The following RASGRP3 variants were observed in gnomAD, a reference collection of about 807,000 sequenced individuals.
The protein encoded by RASGRP3 is ras guanyl-releasing protein 3.
Under a neutral mutation model 82.7 loss-of-function variants are expected in RASGRP3, and 54 were observed. That is an observed-to-expected ratio of 0.65 (90% CI 0.52 to 0.82). The LOEUF (loss-of-function observed/expected upper bound fraction) is 0.82, where lower values mean the gene tolerates loss of function less well. Ranked by LOEUF, RASGRP3 falls within the 40% of genes least tolerant of loss-of-function variation. RASGRP3 has a pLI of 0.00. For synonymous variants in RASGRP3, 309 were observed against 300.5 expected, an observed-to-expected ratio of 1.03 and a Z score of -0.29; for missense variants, 861 against 828.9, an observed-to-expected ratio of 1.04 and a Z score of -0.48.
chr2:33,441,794 A>G (rs560194753), intron 1 of RASGRP3, among the ~76,000 whole-genome samples: 1 of 152,344 alleles, frequency 6.6e-6, no homozygotes, highest in South Asian at 2.1e-4. Flanking sequence ...TTTTTTAGTA[A>G]AAAGCAAAAA....
At chr2:33,450,225 C>A (rs1387924444) in intron 2 of RASGRP3, among the ~76,000 whole-genome samples, 1 of 152,092 alleles carries the variant, frequency 6.6e-6, no homozygotes, top group Non-Finnish European at 1.5e-5. Flanking sequence ...ACCTCATATA[C>A]CAATCATTAT....
rs1363256181 is a variant in RASGRP3 at position 33,549,658 on chromosome 2, C to G, written c.1449C>G (p.Ser483=). 4 of 1,613,532 alleles carry G rather than the reference C, an allele frequency of 2.5e-6. No individual in the cohort carries two copies. Among genetic ancestry groups the G allele is most frequent in the Non-Finnish European group, 3.4e-6 (4 of 1,179,670 alleles). The change falls in exon 14 of 18, where the codon TCC becomes TCG. Residue 483 remains serine, a synonymous_variant. Coordinates refer to ENST00000403687, the MANE Select transcript of RASGRP3 (RefSeq NM_001139488.2). ...EMMAYFLRAK[S]QLHCKMGPGF... Reference sequence around the variant, plus strand: ...TGGCTTACTTCCTGAGAGCTAAATCCCAACTACACTGTAAAATGGGACCAG... The same window carrying G: ...TGGCTTACTTCCTGAGAGCTAAATCGCAACTACACTGTAAAATGGGACCAG...
chr2:33,562,946 C>T lies in RASGRP3; in HGVS notation c.*209C>T, dbSNP rs1574521733. ...ACTATGAACTATTTATTTCCTCCTC[C>T]CCTACCCCTAGTTAAGTGCCACAAA... On this transcript the variant is annotated 3_prime_UTR_variant, in exon 18 of 18. Transcript: ENST00000403687. 1 of 644,418 alleles carries T rather than the reference C, an allele frequency of 1.6e-6. No individual in the cohort carries two copies. The highest frequency in any genetic ancestry group is 2.8e-5 in the East Asian group (1 of 35,716). 39.9% of individuals were successfully genotyped at this position (644,418 alleles called of 1,614,324 possible). A position where few individuals can be genotyped will look rare whatever the true frequency, so the allele number is the denominator to read the frequency against.
chr2:33,482,665 G>A (rs1004556232), intron 1 of RASGRP3: 7 of 152,160 alleles, frequency 4.6e-5, no homozygotes, highest in Admixed American at 2.6e-4. Flanking sequence ...TAATGGGGAC[G>A]CTTCACTATC....
rs1674191685 is a variant in RASGRP3, at chr2:33,540,575, TGTG to T, written c.1278+1366_1278+1368del. Among the ~76,000 whole-genome samples the T allele has an allele frequency of 4.1e-3, 196 of 47,708 alleles. 19 individuals are homozygous for T. The Middle Eastern group carries it at 0.047, about 11-fold the overall frequency. 31.3% of individuals were successfully genotyped at this position (47,708 alleles called of 152,430 possible). On this transcript the variant is annotated intron_variant, in intron 12 of 17. Transcript: ENST00000403687. Reference sequence around the variant, plus strand: ...TGTGTTTTGTGTGTGTGTGTGTGTGTGTGTGTGTGTGTGTGTGTGTGTGTGTGT... The same window carrying T: ...TGTGTTTTGTGTGTGTGTGTGTGTGTTGTGTGTGTGTGTGTGTGTGTGTGT...
chr2:33,527,272 A>G lies in RASGRP3; in HGVS notation c.943A>G (p.Ile315Val), dbSNP rs1237682972. 5.6e-6 allele frequency: 9 copies of G among 1,613,888 alleles called. No homozygotes were observed. Among genetic ancestry groups the G allele is most frequent in the Non-Finnish European group, 6.8e-6 (8 of 1,179,894 alleles). ...HLKDLIAVHV[I>V]FPDWTEENKV... is the part of the protein sequence containing the mutation. ...GAAAGACTTGATAGCTGTCCATGTC[A>G]TTTTCCCAGACTGGACAGAGGAGAA... is the stretch of plus-strand genomic sequence containing the variant. The change falls in exon 10 of 18, where the codon ATT (isoleucine) becomes GTT (valine). Residue 315 changes from isoleucine to valine, a missense_variant. By Grantham distance (29) the Ile-to-Val change is conservative. Coordinates refer to ENST00000403687, the MANE Select transcript of RASGRP3 (RefSeq NM_001139488.2).
At chr2:33,440,429 G>T (rs1665164055) in intron 1 of RASGRP3, among the ~76,000 whole-genome samples, 1 of 152,184 alleles carries the variant, frequency 6.6e-6, no homozygotes, top group South Asian at 2.1e-4. Context: ...ACCACCATGT[G>T]TAGGGGCCAA....
chr2:33,498,846 C>T (rs961715674), intron 1 of RASGRP3, among the ~76,000 whole-genome samples: 1 of 152,084 alleles, frequency 6.6e-6, no homozygotes, highest in African/African-American at 2.4e-5. Flanking sequence ...CCTCAAGCCT[C>T]CGAGATCACA....
At position 33,479,879 on chromosome 2, in the gene RASGRP3, C is replaced by A. The variant is rs568473756; in HGVS notation, c.-261+3172C>A. On this transcript the variant is annotated intron_variant, in intron 1 of 17. Transcript: ENST00000403687. ...GGTTGGAGATAATGGGAAAGAGCAC[C>A]AGGTAGTATGTAATCAACAGGGAAC... Among the ~76,000 whole-genome samples, 3 of 151,452 alleles carry A rather than the reference C, an allele frequency of 2.0e-5. No individual in the cohort carries two copies. In the South Asian group the frequency reaches 6.2e-4, roughly 32 times the overall value.
intron 1 of RASGRP3, among the ~76,000 whole-genome samples, chr2:33,511,434 C>T (rs1287796355): frequency 1.3e-5 from 2 of 152,270 alleles, no homozygotes; most frequent in South Asian, 4.1e-4. Context: ...TTGCATGAAA[C>T]AGTAGTTTAT....
At position 33,542,661 on chromosome 2, in the gene RASGRP3, C is replaced by T. The variant is rs560471283; in HGVS notation, c.1279-851C>T. On this transcript the variant is annotated intron_variant, in intron 12 of 17. Coordinates refer to ENST00000403687, the MANE Select transcript of RASGRP3 (RefSeq NM_001139488.2). Reference sequence around the variant, plus strand: ...TTTCTTAATCCACCTCCTCTTTCCCCCCCCCACCAATATCACTCTATTTTA... The same window carrying T: ...TTTCTTAATCCACCTCCTCTTTCCCTCCCCCACCAATATCACTCTATTTTA... Among the ~76,000 whole-genome samples, 5 of 146,396 alleles carry T rather than the reference C, an allele frequency of 3.4e-5. 1 individual carries two copies. The highest frequency in any genetic ancestry group is 6.1e-5 in the Non-Finnish European group (4 of 65,450).
At chr2:33,446,237 C>A (rs975159048) in intron 1 of RASGRP3, among the ~76,000 whole-genome samples, 4 of 152,202 alleles carry the variant, frequency 2.6e-5, no homozygotes, top group African/African-American at 7.2e-5. Flanking sequence ...TGGCTCACTG[C>A]AAGCTCCGCC....
chr2:33,473,610 C>G (rs561483644), upstream of RASGRP3, among the ~76,000 whole-genome samples: 2 of 152,254 alleles, frequency 1.3e-5, no homozygotes, highest in South Asian at 4.2e-4. Flanking sequence ...ATGCTTGGAA[C>G]TGGTAGGGAG....
At chr2:33,562,558 ACTGC>A (rs1558534770) in intron 17 of RASGRP3, among the ~76,000 whole-genome samples, 167 bp from the exon 18 acceptor site, 2 of 152,176 alleles carry the variant, frequency 1.3e-5, no homozygotes, top group Non-Finnish European at 2.9e-5. Flanking sequence ...GGTGTGAGCC[ACTGC>A]ACCCAGCTAC....
intron 1 of RASGRP3, among the ~76,000 whole-genome samples, chr2:33,478,175 C>T (rs151006400): frequency 5.3e-5 from 8 of 152,288 alleles, no homozygotes; most frequent in South Asian, 2.1e-4. Flanking sequence ...GAAGCAGTTT[C>T]GGATGCCCTG....
At chr2:33,553,117 C>T (rs754237660) in intron 14 of RASGRP3, among the ~76,000 whole-genome samples, 24 of 150,974 alleles carry the variant, frequency 1.6e-4, no homozygotes, top group Admixed American at 6.0e-4. Context: ...GTTCCTGCAG[C>T]AATGCTAATA....
At chr2:33,468,169 ATATT>A (rs1666835556) in intron 2 of RASGRP3, among the ~76,000 whole-genome samples, 1 of 152,016 alleles carries the variant, frequency 6.6e-6, no homozygotes, top group Non-Finnish European at 1.5e-5. Flanking sequence ...GAACTAATAA[ATATT>A]TATTATAGAA....
At position 33,564,601 on chromosome 2, in the gene RASGRP3, A is replaced by C. The variant is rs1677043613; in HGVS notation, c.*1864A>C. ...ACATTGTACTGTTCTTTTGCTTCTC[A>C]AAGGAATTATTCACTTGCCACTTTG... is the stretch of plus-strand genomic sequence containing the variant. On this transcript the variant is annotated 3_prime_UTR_variant, in exon 18 of 18. Transcript: ENST00000403687. The C allele has an allele frequency of 6.6e-6, 1 of 152,234 alleles. No individual in the cohort carries two copies. The highest frequency in any genetic ancestry group is 6.5e-5 in the Admixed American group (1 of 15,276). The allele number at this position is 152,234 out of a possible 1,614,324, so 9.4% of individuals were successfully genotyped here. A position where few individuals can be genotyped will look rare whatever the true frequency, so the allele number is the denominator to read the frequency against.
chr2:33,480,226 G>T (rs1667770729), intron 1 of RASGRP3, among the ~76,000 whole-genome samples: 1 of 151,928 alleles, frequency 6.6e-6, no homozygotes, highest in Admixed American at 6.5e-5. Flanking sequence ...TGTATTTTTA[G>T]TAGAGACGGG....
Sources: gnomAD v4.1 joint callset for allele counts (sites outside exome capture counted in the v4.1 genomes callset) on GRCh38, gnomAD v4.1.1 for gene constraint, MANE v1.5 for transcripts, NCBI Gene and HGNC (gene_info 2026-07-23, HGNC 2026-07-21) for gene names.